Variants in AGBL4 observed in about 807,000 individuals in gnomAD.
The protein encoded by AGBL4 is cytosolic carboxypeptidase 6.
In AGBL4, 58 loss-of-function variants were observed where a neutral mutation model predicts 66.4. The observed-to-expected ratio is 0.87, with a 90% CI of 0.71 to 1.09. AGBL4 has a LOEUF of 1.09. Among genes scored for constraint, AGBL4 ranks in the 50% least tolerant of loss-of-function variants. The probability of loss-of-function intolerance (pLI) is 0.00; values close to 1 mark genes in which losing one functional copy is unlikely to be tolerated. For missense variants in AGBL4, 579 were observed against 631.0 expected (o/e 0.92, Z 0.88); for synonymous variants, 234 against 222.9 (o/e 1.05, Z -0.44).
intron 5 of AGBL4, among the ~76,000 whole-genome samples, chr1:48,985,568 T>C (rs550490355): frequency 1.3e-5 from 2 of 152,178 alleles, no homozygotes; most frequent in African/African-American, 2.4e-5. Context: ...CTGGCCTCAG[T>C]GGTAGGGAAA....
chr1:48,600,796 G>T (rs1645063544), intron 9 of AGBL4, among the ~76,000 whole-genome samples: 1 of 152,206 alleles, frequency 6.6e-6, no homozygotes, highest in South Asian at 2.1e-4. Flanking sequence ...AAATGCATCA[G>T]AAGCAGCAAG....
rs191953261 is a variant in AGBL4 at position 48,905,444 on chromosome 1, C to T, written c.595-38214G>A. Among the ~76,000 whole-genome samples, 709 of 152,060 alleles carry T rather than the reference C, an allele frequency of 4.7e-3. 6 individuals carry two copies. The highest frequency in any genetic ancestry group is 5.5e-3 in the Non-Finnish European group (377 of 67,978). ...AATAAATACTAATTTGAATGCAACC[C>T]AAAACACAGTTATAATAAACAATGG... On this transcript the variant is annotated intron_variant, in intron 5 of 13. Transcript: ENST00000371839.
intron 3 of AGBL4, among the ~76,000 whole-genome samples, chr1:49,640,982 C>T (rs1645770018): frequency 1.3e-5 from 2 of 152,214 alleles, no homozygotes; most frequent in South Asian, 4.1e-4. Flanking sequence ...TCGGTGCTCA[C>T]TACCTGGGTG....
intron 6 of AGBL4, among the ~76,000 whole-genome samples, chr1:48,734,332 C>T (rs923644402): frequency 1.3e-5 from 2 of 152,156 alleles, no homozygotes; most frequent in African/African-American, 4.8e-5. Context: ...TGTCCTGCCA[C>T]CTTGAACTCC....
intron 5 of AGBL4, among the ~76,000 whole-genome samples, chr1:48,970,541 C>T (rs1658818548): frequency 1.3e-5 from 2 of 152,098 alleles, no homozygotes; most frequent in African/African-American, 2.4e-5. Context: ...TCTACTGTTG[C>T]ATTATTCTTT....
intron 3 of AGBL4, among the ~76,000 whole-genome samples, chr1:49,602,654 G>A (rs1268807666): frequency 6.6e-6 from 1 of 151,792 alleles, no homozygotes; most frequent in South Asian, 2.1e-4. Context: ...AGAACACATG[G>A]ACACAGGGAG....
chr1:49,347,903 C>T (rs1368070898), intron 3 of AGBL4, among the ~76,000 whole-genome samples: 2 of 152,054 alleles, frequency 1.3e-5, no homozygotes, highest in African/African-American at 4.8e-5. Context: ...TTTCTCTTTA[C>T]TCAGTTGATT....
intron 4 of AGBL4, among the ~76,000 whole-genome samples, chr1:49,135,279 G>A (rs963877828): frequency 2.6e-5 from 4 of 152,008 alleles, no homozygotes; most frequent in African/African-American, 4.8e-5. Flanking sequence ...TGAAAAAATT[G>A]TTTTAAAAAA....
At chr1:49,692,457 G>A (rs1459092015) in intron 3 of AGBL4, among the ~76,000 whole-genome samples, 3 of 152,208 alleles carry the variant, frequency 2.0e-5, no homozygotes, top group East Asian at 1.9e-4. Context: ...AGTGGCTCAC[G>A]CCTGTAATCC....
chr1:50,000,193 C>A (rs878870068), intron 1 of AGBL4, among the ~76,000 whole-genome samples: 1 of 152,044 alleles, frequency 6.6e-6, no homozygotes, highest in Admixed American at 6.6e-5. Flanking sequence ...GACTAATATC[C>A]AGAATCTACA....
At chr1:49,647,025 T>G (rs1645903148) in intron 3 of AGBL4, among the ~76,000 whole-genome samples, 1 of 151,212 alleles carries the variant, frequency 6.6e-6, no homozygotes, top group Non-Finnish European at 1.5e-5. Context: ...TATACAAAAG[T>G]TAACTCAAAA....
At chr1:49,051,858 G>C (rs1324696179) in intron 4 of AGBL4, among the ~76,000 whole-genome samples, 2 of 152,148 alleles carry the variant, frequency 1.3e-5, no homozygotes, top group Non-Finnish European at 1.5e-5. Flanking sequence ...GAAAGAGTAA[G>C]AGAGTGCTCA....
At chr1:49,196,112 T>A (rs943144047) in intron 4 of AGBL4, among the ~76,000 whole-genome samples, 1 of 152,232 alleles carries the variant, frequency 6.6e-6, no homozygotes, top group African/African-American at 2.4e-5. Context: ...CTTTTTCCTA[T>A]GTAAATTACC....
intron 1 of AGBL4, among the ~76,000 whole-genome samples, chr1:49,978,601 A>G (rs1014711509): frequency 1.3e-4 from 20 of 152,242 alleles, no homozygotes; most frequent in Admixed American, 3.9e-4. Flanking sequence ...CATGATGACA[A>G]TGTGAGAATA....
chr1:49,498,261 G>GT (rs1193050504), intron 3 of AGBL4, among the ~76,000 whole-genome samples: 1 of 151,838 alleles, frequency 6.6e-6, no homozygotes, highest in Non-Finnish European at 1.5e-5. Context: ...AGACCTCACA[G>GT]TTTTTTGTTA....
intron 4 of AGBL4, among the ~76,000 whole-genome samples, chr1:49,077,060 A>G (rs910529404): frequency 6.6e-6 from 1 of 151,712 alleles, no homozygotes; most frequent in African/African-American, 2.4e-5. Context: ...GGCTTTTATC[A>G]TAACATCCAT....
At chr1:48,848,320 T>C (rs1431236026) in intron 6 of AGBL4, among the ~76,000 whole-genome samples, 1 of 152,208 alleles carries the variant, frequency 6.6e-6, no homozygotes, top group Non-Finnish European at 1.5e-5. Context: ...CTAAATGACA[T>C]ATTTTTGCCA....
In AGBL4 at chr1:49,323,539, C is replaced by T. The variant is rs148374265; in HGVS notation, c.283-77675G>A. On this transcript the variant is annotated intron_variant, in intron 3 of 13. Coordinates refer to ENST00000371839, the MANE Select transcript of AGBL4 (RefSeq NM_032785.4). ...CTCAAACTCCTGGGCTCAGGCAATC[C>T]GCCCGTCTCAGCCTCCCTAAGTGCT... Among the ~76,000 whole-genome samples the T allele has an allele frequency of 9.3e-5, 14 of 151,090 alleles. No homozygotes were observed. The East Asian group carries it at 1.6e-3, about 17-fold the overall frequency.
intron 6 of AGBL4, chr1:48,776,557 T>G: frequency 5.6e-6 from 6 of 1,068,260 alleles, no homozygotes; most frequent in Non-Finnish European, 6.1e-6. Flanking sequence ...CCTCCCGGGG[T>G]CCCAGCCCCC....
Sources: allele counts gnomAD v4.1 joint callset (sites outside exome capture counted in the v4.1 genomes callset), GRCh38; gene constraint gnomAD v4.1.1; transcripts MANE v1.5; gene names NCBI Gene and HGNC (gene_info 2026-07-23, HGNC 2026-07-21).